ABR: variants seen among roughly 807,000 people sequenced by gnomAD.
The protein encoded by ABR is active breakpoint cluster region-related protein.
Under a neutral mutation model 107.2 loss-of-function variants are expected in ABR, and 35 were observed. The observed-to-expected ratio is 0.33, with a 90% CI of 0.25 to 0.43. The LOEUF (loss-of-function observed/expected upper bound fraction) is 0.43, where lower values mean the gene tolerates loss of function less well. Among genes scored for constraint, ABR ranks in the 20% least tolerant of loss-of-function variants. The probability of loss-of-function intolerance (pLI) is 1.00; values close to 1 mark genes in which losing one functional copy is unlikely to be tolerated. For missense variants in ABR, 815 were observed against 1,115.2 expected, an observed-to-expected ratio of 0.73 and a Z score of 3.83; for synonymous variants, 498 against 462.0, an observed-to-expected ratio of 1.08 and a Z score of -1.00.
intron 1 of ABR, among the ~76,000 whole-genome samples, chr17:1,177,483 T>TG (rs1177388990): frequency 6.6e-6 from 1 of 152,164 alleles, no homozygotes; most frequent in Non-Finnish European, 1.5e-5. Context: ...CAGAACCCCC[T>TG]AAGAGGCCTT....
intron 1 of ABR, among the ~76,000 whole-genome samples, chr17:1,132,656 C>T (rs191134985): frequency 1.3e-5 from 2 of 151,936 alleles, no homozygotes. Flanking sequence ...GGATTACAGG[C>T]GTGAGCCACC....
intron 1 of ABR, among the ~76,000 whole-genome samples, chr17:1,131,008 A>G (rs1411404799): frequency 1.3e-5 from 2 of 152,272 alleles, no homozygotes; most frequent in Non-Finnish European, 1.5e-5. Context: ...GGCAGCATTA[A>G]GCCACAAATG....
At chr17:1,229,509 T>C (rs1207968654) in exon 1 of ABR, among the ~76,000 whole-genome samples, 2 of 151,842 alleles carry the variant, frequency 1.3e-5, no homozygotes, top group African/African-American at 4.8e-5. Context: ...CCGCTCCAGG[T>C]TGAGTCTGCG....
intron 1 of ABR, among the ~76,000 whole-genome samples, chr17:1,128,847 G>A (rs765114068): frequency 1.7e-5 from 2 of 115,442 alleles, no homozygotes; most frequent in Non-Finnish European, 3.8e-5. Flanking sequence ...ACCCCAGGAA[G>A]GTCTACCTCG....
In ABR at chr17:1,055,680, G is replaced by GC. The variant is rs537353045; in HGVS notation, c.1561+354dup. 4.8e-3 allele frequency: 952 copies of GC among 198,624 alleles called. 9 individuals carry two copies. The highest frequency in any genetic ancestry group is 5.8e-3 in the Non-Finnish European group (553 of 94,712). 12.3% of individuals were successfully genotyped at this position (198,624 alleles called of 1,614,324 possible). A position where few individuals can be genotyped will look rare whatever the true frequency, so the allele number is the denominator to read the frequency against. On this transcript the variant is annotated intron_variant, in intron 14 of 22. Transcript: ENST00000302538. Reference sequence around the variant, plus strand: ...GTAGCTGGGACTACAGGCGTCCACCGCCATGCCCACGCTAATTTTAGTATT... The same window carrying GC: ...GTAGCTGGGACTACAGGCGTCCACCGCCCATGCCCACGCTAATTTTAGTATT...
At chr17:1,124,895 CAG>C (rs1389605545) in intron 2 of ABR, among the ~76,000 whole-genome samples, 9 of 152,094 alleles carry the variant, frequency 5.9e-5, no homozygotes, top group Non-Finnish European at 1.0e-4. Context: ...GACAGGCTAA[CAG>C]GGGAAAGCTG....
chr17:1,021,034 G>A (rs897194548), intron 16 of ABR, among the ~76,000 whole-genome samples: 2 of 152,058 alleles, frequency 1.3e-5, no homozygotes, highest in Non-Finnish European at 2.9e-5. Flanking sequence ...CAAGGTCTTC[G>A]GAGATGGTTT....
At position 1,078,844 on chromosome 17, in the gene ABR, T is replaced by A. The variant is rs949012288; in HGVS notation, c.700+486A>T. On this transcript the variant is annotated intron_variant, in intron 6 of 22. Coordinates refer to ENST00000302538, the MANE Select transcript of ABR (RefSeq NM_021962.5). This position sits in a 1 kb window ranked among gnomAD's most constrained non-coding sequence, Gnocchi z 7.5. ...GTGCAGTTACAGCAGAAGCGAATAA[T>A]GAGGAGAATCTCCATGGCAGCCTCT... 81 of 1,535,364 alleles carry A rather than the reference T, an allele frequency of 5.3e-5. No individual in the cohort carries two copies. The highest frequency in any genetic ancestry group is 6.4e-5 in the Non-Finnish European group (73 of 1,146,824).
chr17:1,145,017 C>CA (rs928582632), intron 1 of ABR, among the ~76,000 whole-genome samples: 2 of 149,416 alleles, frequency 1.3e-5, no homozygotes, highest in Admixed American at 6.7e-5. Flanking sequence ...GACTCTGTCT[C>CA]AAAAAAAATA....
chr17:1,037,326 C>CAGCTCCAGCCTCCCTCTGCCTG lies in ABR; in HGVS notation c.1791+12702_1791+12723dup, dbSNP rs1181274130. Among the ~76,000 whole-genome samples the CAGCTCCAGCCTCCCTCTGCCTG allele has an allele frequency of 2.0e-5, 3 of 152,232 alleles. No individual in the cohort carries two copies. The highest frequency in any genetic ancestry group is 4.4e-5 in the Non-Finnish European group (3 of 68,046). On this transcript the variant is annotated intron_variant, in intron 16 of 22. Coordinates refer to ENST00000302538, the MANE Select transcript of ABR (RefSeq NM_021962.5). The surrounding 1 kb of genome is among the most constrained non-coding windows in gnomAD (Gnocchi z 4.6). Reference sequence around the variant, plus strand: ...TCCCGAGTACGTGCTGCTTCTCACACAGCTCCAGCCTCCCTCTGCCTGACC... The same window carrying CAGCTCCAGCCTCCCTCTGCCTG: ...TCCCGAGTACGTGCTGCTTCTCACACAGCTCCAGCCTCCCTCTGCCTGAGCTCCAGCCTCCCTCTGCCTGACC...
At chr17:1,140,624 C>T (rs772128496) in intron 1 of ABR, among the ~76,000 whole-genome samples, 14 of 152,056 alleles carry the variant, frequency 9.2e-5, no homozygotes, top group Non-Finnish European at 1.9e-4. Flanking sequence ...AATCTGTCAC[C>T]CAGGCTGGAG....
chr17:1,072,758 G>A lies in ABR; in HGVS notation c.754-4C>T. On this transcript the variant is annotated splice_region_variant and splice_polypyrimidine_tract_variant and intron_variant, in intron 7 of 22. Transcript: ENST00000302538. ...CAGGTGTGTGCTTCAGCAGGTCCTG[G>A]GAAGGGTGAGGCGGTGAGTTGAGGG... 1 of 1,612,426 alleles carries A rather than the reference G, an allele frequency of 6.2e-7. No homozygotes were observed. The highest frequency in any genetic ancestry group is 1.1e-5 in the South Asian group (1 of 90,912).
upstream of ABR, among the ~76,000 whole-genome samples, chr17:1,183,045 A>T (rs2042184509): frequency 6.6e-6 from 1 of 152,202 alleles, no homozygotes; most frequent in East Asian, 1.9e-4. Flanking sequence ...CTGGGAAGGA[A>T]GGAGTTAAAG....
chr17:1,142,911 G>A (rs1402452239), intron 1 of ABR, among the ~76,000 whole-genome samples: 2 of 152,154 alleles, frequency 1.3e-5, no homozygotes, highest in African/African-American at 2.4e-5. Context: ...CCAGCAAAGC[G>A]GCAACTGGAG....
upstream of ABR, among the ~76,000 whole-genome samples, chr17:1,180,262 C>T (rs2042090147): frequency 6.6e-6 from 1 of 152,032 alleles, no homozygotes; most frequent in South Asian, 2.1e-4. Context: ...ATCCGCAAAC[C>T]AGGTGCCGTG....
intron 1 of ABR, among the ~76,000 whole-genome samples, chr17:1,213,570 T>C (rs1306641973): frequency 6.6e-6 from 1 of 151,748 alleles, no homozygotes; most frequent in Admixed American, 6.6e-5. Context: ...TTGTATTTTT[T>C]TAAGTAGAGG....
At chr17:1,064,502 T>C (rs370287624) in intron 10 of ABR, among the ~76,000 whole-genome samples, 29 of 71,576 alleles carry the variant, frequency 4.1e-4, no homozygotes, top group East Asian at 1.8e-3. Context: ...ACTGTTGTTA[T>C]GTGAACTGAG....
intron 1 of ABR, among the ~76,000 whole-genome samples, chr17:1,165,617 C>T (rs1484146703): frequency 1.3e-5 from 2 of 152,158 alleles, no homozygotes; most frequent in Non-Finnish European, 1.5e-5. Flanking sequence ...CTGCAACCTC[C>T]GCCTCCCGGG....
chr17:1,179,610 T>C lies in ABR; in HGVS notation c.61+57A>G, dbSNP rs1323188135. On this transcript the variant is annotated intron_variant, in intron 1 of 22. Transcript: ENST00000302538. This position sits in a 1 kb window ranked among gnomAD's most constrained non-coding sequence, Gnocchi z 4.9. ...CGATCCCGATCCTGGGGTCCCGATC[T>C]CCATCCTGGGGTCCCGATCCCGATC... 1.4e-6 allele frequency: 2 copies of C among 1,430,578 alleles called. No individual in the cohort carries two copies. The highest frequency in any genetic ancestry group is 1.8e-6 in the Non-Finnish European group (2 of 1,082,330). The allele number at this position is 1,430,578 out of a possible 1,614,324, so 88.6% of individuals were successfully genotyped here. A position where few individuals can be genotyped will look rare whatever the true frequency, so the allele number is the denominator to read the frequency against.
Sources: gnomAD v4.1 joint callset for allele counts (sites outside exome capture counted in the v4.1 genomes callset) on GRCh38, gnomAD v4.1.1 for gene constraint, Gnocchi (gnomAD v3.1) non-coding constraint, MANE v1.5 for transcripts, NCBI Gene and HGNC (gene_info 2026-07-23, HGNC 2026-07-21) for gene names.